The following JAKMIP2 variants were observed in gnomAD, a reference collection of about 807,000 sequenced individuals.
JAKMIP2 encodes janus kinase and microtubule interacting protein 2.
Under a neutral mutation model 115.0 loss-of-function variants are expected in JAKMIP2, and 25 were observed. The observed-to-expected ratio is 0.22, with a 90% confidence interval of 0.16 to 0.30. The LOEUF (loss-of-function observed/expected upper bound fraction) is 0.30. Among genes scored for constraint, JAKMIP2 ranks in the 10% least tolerant of loss-of-function variants. The pLI, the probability that JAKMIP2 is intolerant of heterozygous loss-of-function variation, is 1.00. For missense variants in JAKMIP2, 642 were observed against 957.6 expected, an observed-to-expected ratio of 0.67 and a Z score of 4.35; for synonymous variants, 334 against 343.6, an observed-to-expected ratio of 0.97 and a Z score of 0.31.
intron 20 of JAKMIP2, among the ~76,000 whole-genome samples, chr5:147,609,399 G>A (rs907290848): frequency 2.0e-5 from 3 of 152,144 alleles, no homozygotes; most frequent in Non-Finnish European, 4.4e-5. Context: ...GCATTTGCTT[G>A]TCTGTAAAGG....
intron 1 of JAKMIP2, among the ~76,000 whole-genome samples, chr5:147,725,124 A>C (rs1753465650): frequency 6.6e-6 from 1 of 152,134 alleles, no homozygotes; most frequent in African/African-American, 2.4e-5. Flanking sequence ...ATAATGTATT[A>C]GGATGCTAAG....
chr5:147,670,639 G>A (rs1350933841), intron 2 of JAKMIP2, among the ~76,000 whole-genome samples: 1 of 150,360 alleles, frequency 6.7e-6, no homozygotes, highest in Non-Finnish European at 1.5e-5. Context: ...ATAATGTTTT[G>A]CAAGTTTATT....
chr5:147,702,624 GA>G (rs1459674428), intron 1 of JAKMIP2, among the ~76,000 whole-genome samples: 1 of 108,848 alleles, frequency 9.2e-6, no homozygotes, highest in Non-Finnish European at 1.8e-5. Context: ...AAGAAAGAAA[GA>G]AAGAAAGAAA....
At chr5:147,648,588 A>C in intron 4 of JAKMIP2, 114 bp from the exon 5 acceptor site, 2 of 635,256 alleles carry the variant, frequency 3.1e-6, no homozygotes, top group South Asian at 3.9e-5. Flanking sequence ...TGGCTCCTGA[A>C]GTGAGAATAA....
Position 147,648,429 on chromosome 5 carries a change from T to C in JAKMIP2, c.883A>G (p.Ile295Val), listed in dbSNP as rs983788765. ...GTATTCCTGTCTTCTAATTTTCTTA[T>C]AGTGGCATTCAATTCAGCTATTCTC... The part of the protein sequence containing the change: ...QKRIAELNAT[I>V]RKLEDRNTLL... The change falls in exon 5 of 22, where the codon ATA becomes GTA. Residue 295 changes from isoleucine (I) to valine (V), a missense_variant. Coordinates refer to ENST00000616793, the MANE Select transcript of JAKMIP2 (RefSeq NM_001270941.2). The C allele has an allele frequency of 1.2e-6, 2 of 1,610,332 alleles. No individual in the cohort carries two copies. Among genetic ancestry groups the C allele is most frequent in the South Asian group, 1.1e-5 (1 of 90,972 alleles).
chr5:147,602,689 G>A (rs1352846103), intron 20 of JAKMIP2, among the ~76,000 whole-genome samples: 1 of 152,088 alleles, frequency 6.6e-6, no homozygotes, highest in African/African-American at 2.4e-5. Context: ...GGTCAGGTCA[G>A]TTTTAAAAAA....
In JAKMIP2 at chr5:147,624,964, CTATTTATT is replaced by C. The variant is rs58840721; in HGVS notation, c.1996-1283_1996-1276del. Among the ~76,000 whole-genome samples, 10 of 150,964 alleles carry C rather than the reference CTATTTATT, an allele frequency of 6.6e-5. No homozygotes were observed. In the South Asian group the frequency reaches 1.5e-3, roughly 22 times the overall value. On this transcript the variant is annotated intron_variant, in intron 16 of 21. Coordinates refer to ENST00000616793, the MANE Select transcript of JAKMIP2 (RefSeq NM_001270941.2). ...ACTAGTGGTATCTCACTACAAGGTA[CTATTTATT>C]TATTTATTTATTTATTATTATTTTT... is the stretch of plus-strand genomic sequence containing the variant.
At chr5:147,612,071 A>C (rs13175701) in intron 20 of JAKMIP2, 2 of 684,110 alleles carry the variant, frequency 2.9e-6, no homozygotes, top group Non-Finnish European at 2.7e-6. Context: ...GAAAGAAAAC[A>C]CAGAAAAAAT....
intron 7 of JAKMIP2, among the ~76,000 whole-genome samples, chr5:147,642,123 T>C (rs980834344): frequency 2.0e-5 from 3 of 152,182 alleles, no homozygotes; most frequent in Admixed American, 6.5e-5. Context: ...TTTAAATTTG[T>C]GTTAAAAATA....
chr5:147,593,781 G>A (rs1223368469), intron 21 of JAKMIP2, among the ~76,000 whole-genome samples: 1 of 152,156 alleles, frequency 6.6e-6, no homozygotes, highest in Non-Finnish European at 1.5e-5. Flanking sequence ...ACATTCCACT[G>A]GGATGAGAGC....
At chr5:147,682,050 A>AAAAAAAG (rs71001451) in intron 1 of JAKMIP2, among the ~76,000 whole-genome samples, 2 of 148,994 alleles carry the variant, frequency 1.3e-5, no homozygotes, top group African/African-American at 2.5e-5. Flanking sequence ...AAAAAAAAAA[A>AAAAAAAG]AAAGAAAGAA....
chr5:147,748,205 A>G (rs886787709), intron 1 of JAKMIP2, among the ~76,000 whole-genome samples: 2 of 152,146 alleles, frequency 1.3e-5, no homozygotes, highest in African/African-American at 4.8e-5. Context: ...CTGTGTCTTC[A>G]CGTGTGAAAT....
In JAKMIP2 at chr5:147,661,200, G is replaced by A. The variant is rs201023529; in HGVS notation, c.375C>T (p.Ser125=). The A allele has an allele frequency of 1.9e-6, 3 of 1,614,040 alleles. No homozygotes were observed. The highest frequency in any genetic ancestry group is 2.5e-6 in the Non-Finnish European group (3 of 1,180,032). The stretch of plus-strand genomic sequence containing the variant: ...TGAGCGCTGTCCTTACTTTGTCACT[G>A]CTGCCGTCGCGGAGAGCACAGAGAG... ...KSALCALRDG[S]SDKVRTALTI... The change falls in exon 3 of 22, where the codon AGC becomes AGT. Residue 125 remains serine (S), a synonymous_variant. Transcript: ENST00000616793.
chr5:147,698,023 A>G (rs1752174787), intron 1 of JAKMIP2, among the ~76,000 whole-genome samples: 1 of 152,202 alleles, frequency 6.6e-6, no homozygotes, highest in Non-Finnish European at 1.5e-5. Context: ...ACTCAACAGC[A>G]GCTGTGAAAG....
chr5:147,781,522 A>G (rs1755756426), intron 1 of JAKMIP2, among the ~76,000 whole-genome samples: 1 of 123,582 alleles, frequency 8.1e-6, no homozygotes, highest in African/African-American at 2.7e-5. Context: ...ATCATTGTAA[A>G]TTCAGAGTCC....
intron 1 of JAKMIP2, among the ~76,000 whole-genome samples, chr5:147,672,289 C>T (rs1413085821): frequency 6.6e-6 from 1 of 152,230 alleles, no homozygotes; most frequent in Admixed American, 6.5e-5. Flanking sequence ...ACATAAGGAA[C>T]ATGGTCGTTA....
intron 1 of JAKMIP2, among the ~76,000 whole-genome samples, chr5:147,690,901 G>A (rs761084010): frequency 3.9e-5 from 6 of 152,036 alleles, no homozygotes; most frequent in Non-Finnish European, 8.8e-5. Flanking sequence ...GGGTACACAG[G>A]ATGGGTCCTG....
At chr5:147,673,008 T>C (rs2126810065) in intron 1 of JAKMIP2, among the ~76,000 whole-genome samples, 1 of 152,278 alleles carries the variant, frequency 6.6e-6, no homozygotes, top group African/African-American at 2.4e-5. Flanking sequence ...CTATTGAAGT[T>C]CTTGGCAGGT....
At chr5:147,743,226 A>AAG in intron 1 of JAKMIP2, among the ~76,000 whole-genome samples, 1 of 152,196 alleles carries the variant, frequency 6.6e-6, no homozygotes, top group East Asian at 1.9e-4. Context: ...AGGCTGTCTG[A>AAG]CCTGAGACAA....
Sources: gnomAD v4.1 joint callset for allele counts (sites outside exome capture counted in the v4.1 genomes callset) on GRCh38, gnomAD v4.1.1 for gene constraint, MANE v1.5 for transcripts, NCBI Gene and HGNC (gene_info 2026-07-23, HGNC 2026-07-21) for gene names.